The following POLK variants were observed in gnomAD, a reference collection of about 807,000 sequenced individuals.
POLK encodes the protein polymerase (DNA directed) kappa.
A neutral mutation model predicts 94.0 loss-of-function variants in POLK; 76 were observed. The ratio of observed to expected loss-of-function variants is 0.81; its 90% CI spans 0.67 to 0.98. The LOEUF is 0.98. Among genes scored for constraint, POLK ranks in the 50% least tolerant of loss-of-function variants. The pLI, the probability that POLK is intolerant of heterozygous loss-of-function variation, is 0.00. For synonymous variants in POLK, 349 were observed against 325.4 expected (o/e 1.07, Z -0.78); for missense variants, 954 against 1,010.1 (o/e 0.94, Z 0.75).
intron 1 of POLK, among the ~76,000 whole-genome samples, chr5:75,536,194 C>T (rs1769435792): frequency 6.6e-6 from 1 of 152,046 alleles, no homozygotes; most frequent in Non-Finnish European, 1.5e-5. Context: ...AACTTTGATT[C>T]TAGTCTGTTC....
At chr5:75,514,517 T>A (rs916272264) in intron 1 of POLK, among the ~76,000 whole-genome samples, 5 of 152,188 alleles carry the variant, frequency 3.3e-5, no homozygotes, top group Admixed American at 2.6e-4. Flanking sequence ...TTGTTTTAGG[T>A]TCATTTGATT....
downstream of POLK, among the ~76,000 whole-genome samples, chr5:75,601,569 G>A (rs561147117): frequency 8.3e-4 from 127 of 152,268 alleles, no homozygotes; most frequent in African/African-American, 3.0e-3. Flanking sequence ...GATAAAAGCA[G>A]GCAGAGGAAG....
intron 3 of POLK, among the ~76,000 whole-genome samples, chr5:75,564,831 A>G (rs935249884): frequency 2.0e-5 from 3 of 151,574 alleles, no homozygotes; most frequent in African/African-American, 7.3e-5. Context: ...CTTCATTTCA[A>G]CCTTGGTGAA....
chr5:75,535,251 A>T lies in POLK; in HGVS notation c.-13-11759A>T, dbSNP rs879678116. 1.4e-4 allele frequency among the ~76,000 whole-genome samples: 22 copies of T among 151,858 alleles called. No homozygotes were observed. The Middle Eastern group carries it at 0.014, about 94-fold the overall frequency. On this transcript the variant is annotated intron_variant, in intron 1 of 14. Coordinates refer to ENST00000241436, the Ensembl canonical transcript of POLK. ...CTGGATATGGAATTCTTGGTTGAAAATTTTTTTTTAAAGAATGCTGAATAT... is the reference window on the plus strand; with the variant it reads ...CTGGATATGGAATTCTTGGTTGAAATTTTTTTTTTAAAGAATGCTGAATAT...
At chr5:75,582,733 A>C (rs893980137) in intron 7 of POLK, 4 of 152,428 alleles carry the variant, frequency 2.6e-5, no homozygotes, top group African/African-American at 9.7e-5. Context: ...GGACTACCTG[A>C]GGTCAGGAGT....
the POLK span, among the ~76,000 whole-genome samples, chr5:75,606,743 C>A: frequency 6.6e-6 from 1 of 152,014 alleles, no homozygotes; most frequent in East Asian, 1.9e-4. Context: ...ATGTCTACTT[C>A]TTTCTACACA....
At chr5:75,589,904 G>A (rs1171722263) in intron 10 of POLK, among the ~76,000 whole-genome samples, 1 of 152,086 alleles carries the variant, frequency 6.6e-6, no homozygotes, top group Non-Finnish European at 1.5e-5. Context: ...TAGGTTCCAT[G>A]AGCCAACCCC....
chr5:75,567,403 A>C (rs887546005), intron 3 of POLK, among the ~76,000 whole-genome samples: 4 of 152,196 alleles, frequency 2.6e-5, no homozygotes, highest in Non-Finnish European at 4.4e-5. Context: ...GAATTGAGGT[A>C]CTAAAAGAAG....
intron 4 of POLK, among the ~76,000 whole-genome samples, chr5:75,570,530 A>G (rs112780868): frequency 1.3e-5 from 2 of 152,200 alleles, no homozygotes; most frequent in Non-Finnish European, 1.5e-5. Context: ...AGGTTTGCCA[A>G]CCCTAGTTCT....
chr5:75,585,728 T>G (rs967006875), intron 9 of POLK, among the ~76,000 whole-genome samples: 9 of 152,174 alleles, frequency 5.9e-5, no homozygotes, highest in Non-Finnish European at 1.2e-4. Flanking sequence ...TTTAAAAGAC[T>G]GGGAATCGTG....
upstream of POLK, chr5:75,510,988 C>T (rs1767945875): frequency 1.0e-5 from 13 of 1,301,720 alleles, no homozygotes; most frequent in Middle Eastern, 3.2e-3. Context: ...GTCGCTGCAG[C>T]AACACTCAGC....
chr5:75,584,798 G>A lies in POLK; in HGVS notation c.1098G>A (p.Lys366=), dbSNP rs931611935. The stretch of plus-strand genomic sequence containing the variant: ...GAAAAGTTACAGAGAAAATGTTAAA[G>A]GCCCTTGGAATTATTACATGTACAG... The change falls in exon 9 of 15, where the codon AAG becomes AAA. Residue 366 remains lysine (K), a synonymous_variant. Transcript: ENST00000241436. 1.9e-6 allele frequency: 3 copies of A among 1,576,894 alleles called. No individual in the cohort carries two copies. The African/African-American group carries it at 4.1e-5, about 22-fold the overall frequency.
intron 1 of POLK, among the ~76,000 whole-genome samples, chr5:75,541,665 T>C (rs1026865452): frequency 2.0e-5 from 3 of 152,202 alleles, no homozygotes; most frequent in Non-Finnish European, 4.4e-5. Flanking sequence ...ATTTCTGTTC[T>C]TTCTCTCAGT....
chr5:75,596,426 G>A (rs1244886261), exon 13 of POLK: 20 of 1,613,560 alleles, frequency 1.2e-5, no homozygotes, highest in Admixed American at 6.7e-5. Flanking sequence ...AGGAAATGGA[G>A]TCACCAAGAT....
chr5:75,581,374 G>T (rs1014578762), exon 7 of POLK: 20 of 1,613,520 alleles, frequency 1.2e-5, no homozygotes, highest in Non-Finnish European at 1.7e-5. Flanking sequence ...GTTGTTTTTG[G>T]AACATCAGCC....
Position 75,547,794 on chromosome 5 carries a change from A to G in POLK, c.135+637A>G, listed in dbSNP as rs149315334. 2.1e-3 allele frequency among the ~76,000 whole-genome samples: 317 copies of G among 152,352 alleles called. 1 individual carries two copies. The East Asian group carries it at 0.027, about 13-fold the overall frequency. On this transcript the variant is annotated intron_variant, in intron 2 of 14. Coordinates refer to ENST00000241436, the Ensembl canonical transcript of POLK. The stretch of plus-strand genomic sequence containing the variant: ...GTTTCTATCAATTCACACTTCCACT[A>G]CAAATATCTGAGAGTATGTATTACC...
intron 6 of POLK, 57 bp from the exon 7 acceptor site, chr5:75,581,152 T>G: frequency 8.0e-7 from 1 of 1,254,532 alleles, no homozygotes; most frequent in Non-Finnish European, 1.1e-6. Flanking sequence ...GAAACCTAAC[T>G]TATGAAGTAT....
At chr5:75,538,831 C>T (rs190162013) in intron 1 of POLK, among the ~76,000 whole-genome samples, 7 of 152,014 alleles carry the variant, frequency 4.6e-5, no homozygotes, top group African/African-American at 7.2e-5. Context: ...AATGTAGCGG[C>T]GCGACATCAG....
In POLK at chr5:75,516,637, G is replaced by A. The variant is rs1173324150; in HGVS notation, c.-14+4723G>A. ...CTGTGATTACACCACTGCATTCAAA[G>A]CCAGGTAACAGAGTGAGACCCTGTC... On this transcript the variant is annotated intron_variant, in intron 1 of 14. Transcript: ENST00000241436. Among the ~76,000 whole-genome samples the A allele has an allele frequency of 2.6e-5, 4 of 152,022 alleles. No individual in the cohort carries two copies. The East Asian group carries it at 5.8e-4, about 22-fold the overall frequency.
Sources: allele counts gnomAD v4.1 joint callset (sites outside exome capture counted in the v4.1 genomes callset), GRCh38; gene constraint gnomAD v4.1.1; transcripts MANE v1.5; gene names NCBI Gene and HGNC (gene_info 2026-07-23, HGNC 2026-07-21).